DAB1: variants seen among roughly 807,000 people sequenced by gnomAD.
DAB1 encodes the protein DAB adaptor protein 1, also known as disabled homolog 1.
DAB1 carries 15 observed loss-of-function variants against 64.6 expected under a neutral mutation model. The observed-to-expected ratio is 0.23, with a 90% confidence interval of 0.16 to 0.36. DAB1 has a LOEUF of 0.36. Among genes scored for constraint, DAB1 ranks in the 10% least tolerant of loss-of-function variants. DAB1 has a pLI of 1.00. For synonymous variants in DAB1, 235 were observed against 251.9 expected (o/e 0.93, Z 0.64); for missense variants, 596 against 706.7 (o/e 0.84, Z 1.78).
At chr1:57,220,109 T>G (rs2100377989) in intron 2 of DAB1, among the ~76,000 whole-genome samples, 1 of 152,268 alleles carries the variant, frequency 6.6e-6, no homozygotes. Context: ...TGGCCCTGAT[T>G]CAAGGCTGTC....
chr1:57,865,440 C>G (rs764843741), intron 1 of DAB1, among the ~76,000 whole-genome samples: 2 of 152,022 alleles, frequency 1.3e-5, no homozygotes, highest in Non-Finnish European at 2.9e-5. Context: ...CCCACTGGGC[C>G]CTAAATATGT....
intron 6 of DAB1, among the ~76,000 whole-genome samples, chr1:57,655,903 G>T (rs955635765): frequency 1.3e-5 from 2 of 152,180 alleles, no homozygotes; most frequent in African/African-American, 4.8e-5. Context: ...TTTCCAAGCT[G>T]TGACTACATA....
intron 7 of DAB1, among the ~76,000 whole-genome samples, chr1:57,628,595 T>G (rs1645951108): frequency 2.2e-5 from 2 of 92,910 alleles, no homozygotes; most frequent in South Asian, 1.1e-3. Context: ...AGGCAGACAA[T>G]TAAAAACTTA....
chr1:57,781,713 G>GAAAAAAA (rs3081035), intron 6 of DAB1, among the ~76,000 whole-genome samples: 3 of 135,658 alleles, frequency 2.2e-5, no homozygotes, highest in Non-Finnish European at 3.2e-5. Flanking sequence ...AAGCAATTGA[G>GAAAAAAA]AAAAAAAAAA....
At chr1:57,923,624 G>T (rs1644839968) in intron 5 of DAB1, among the ~76,000 whole-genome samples, 1 of 152,212 alleles carries the variant, frequency 6.6e-6, no homozygotes, top group Non-Finnish European at 1.5e-5. Context: ...AACTGTTACA[G>T]TTCCTGAGCC....
chr1:58,167,472 T>C (rs569578652), intron 4 of DAB1, among the ~76,000 whole-genome samples: 1 of 152,250 alleles, frequency 6.6e-6, no homozygotes, highest in East Asian at 1.9e-4. Context: ...TAAAGGATTG[T>C]AAATGCACCA....
chr1:58,387,883 C>A (rs966813033), intron 3 of DAB1, among the ~76,000 whole-genome samples: 9 of 151,924 alleles, frequency 5.9e-5, no homozygotes, highest in African/African-American at 9.7e-5. Context: ...CCCGCCACCA[C>A]GCCTGGTTAA....
chr1:58,508,110 TAGAAAA>T (rs1211318057), intron 2 of DAB1, among the ~76,000 whole-genome samples: 4 of 151,964 alleles, frequency 2.6e-5, no homozygotes, highest in Non-Finnish European at 4.4e-5. Flanking sequence ...TATGCAGAAA[TAGAAAA>T]AGAAATTAAT....
chr1:57,583,036 GAAAAACAAAGAGA>G (rs949635858), intron 7 of DAB1, among the ~76,000 whole-genome samples: 18 of 152,222 alleles, frequency 1.2e-4, no homozygotes, highest in African/African-American at 4.1e-4. Context: ...ACTATGAGAG[GAAAAACAAAGAGA>G]ATTGGAGAAG....
At chr1:57,690,852 G>A (rs185955272) in intron 6 of DAB1, among the ~76,000 whole-genome samples, 1 of 152,236 alleles carries the variant, frequency 6.6e-6, no homozygotes, top group Admixed American at 6.5e-5. Context: ...ACAGGGATAA[G>A]AAATTCTTAT....
intron 7 of DAB1, among the ~76,000 whole-genome samples, chr1:57,496,269 A>T (rs1644228744): frequency 6.6e-6 from 1 of 152,072 alleles, no homozygotes; most frequent in Admixed American, 6.6e-5. Context: ...CTTGTGTTCT[A>T]GTGAGGAGTT....
intron 6 of DAB1, among the ~76,000 whole-genome samples, chr1:57,726,054 T>C (rs116806243): frequency 0.011 from 1,746 of 152,292 alleles, 38 homozygotes; most frequent in African/African-American, 0.04. Context: ...GTGCCCGGCC[T>C]ATCTGTTCTT....
At chr1:58,524,881 C>A (rs12095695) in intron 2 of DAB1, among the ~76,000 whole-genome samples, 1,548 of 152,246 alleles carry the variant, frequency 0.01, 26 homozygotes, top group African/African-American at 0.036. Flanking sequence ...ACTCAATTTA[C>A]TGGAGAGAAA....
chr1:57,277,853 T>C (rs559786496), intron 2 of DAB1, among the ~76,000 whole-genome samples: 1 of 152,334 alleles, frequency 6.6e-6, no homozygotes, highest in Non-Finnish European at 1.5e-5. Context: ...CATCATCTAC[T>C]GGGCTTCTTC....
At chr1:58,006,741 C>T (rs1646589591) in intron 5 of DAB1, among the ~76,000 whole-genome samples, 1 of 152,172 alleles carries the variant, frequency 6.6e-6, no homozygotes, top group Non-Finnish European at 1.5e-5. Flanking sequence ...TACTCTGACC[C>T]ACTGAATGAT....
intron 5 of DAB1, among the ~76,000 whole-genome samples, chr1:58,120,986 T>C (rs1652702992): frequency 1.3e-5 from 2 of 152,070 alleles, no homozygotes; most frequent in Admixed American, 1.3e-4. Flanking sequence ...TCTCGTTAGG[T>C]TCACTGACAC....
intron 6 of DAB1, among the ~76,000 whole-genome samples, chr1:57,687,599 C>CAA (rs57316234): frequency 0.014 from 1,138 of 82,440 alleles, 41 homozygotes; most frequent in African/African-American, 0.043. Context: ...TCTTAAGAAA[C>CAA]AAAAAAAAAA....
chr1:58,520,248 G>A lies in DAB1; in HGVS notation n.107+7013C>T, dbSNP rs554650351. 2.0e-4 allele frequency among the ~76,000 whole-genome samples: 31 copies of A among 151,830 alleles called. No homozygotes were observed. In the South Asian group the frequency reaches 6.2e-3, roughly 31 times the overall value. Reference sequence around the variant, plus strand: ...TGCACGTGTACCCTGGAACCTAAACGTTGAAAAAAATAAAAAATAAAAGAG... The same window carrying A: ...TGCACGTGTACCCTGGAACCTAAACATTGAAAAAAATAAAAAATAAAAGAG... On this transcript the variant is annotated intron_variant and non_coding_transcript_variant, in intron 2 of 20. Coordinates refer to the DAB1 transcript ENST00000485760.
intron 1 of DAB1, among the ~76,000 whole-genome samples, chr1:57,378,803 AG>A (rs1378577699): frequency 6.6e-6 from 1 of 152,190 alleles, no homozygotes; most frequent in African/African-American, 2.4e-5. Flanking sequence ...AGCGACTTGG[AG>A]GGGGGTTAAG....
Sources: gnomAD v4.1 joint callset for allele counts (sites outside exome capture counted in the v4.1 genomes callset) on GRCh38, gnomAD v4.1.1 for gene constraint, MANE v1.5 for transcripts, NCBI Gene and HGNC (gene_info 2026-07-23, HGNC 2026-07-21) for gene names.